The following LUZP2 variants were observed in gnomAD, a reference collection of about 807,000 sequenced individuals.
LUZP2 encodes the protein leucine zipper protein 2.
Under a neutral mutation model 51.6 loss-of-function variants are expected in LUZP2, and 52 were observed. The observed-to-expected ratio is 1.01, with a 90% CI of 0.81 to 1.27. The LOEUF (loss-of-function observed/expected upper bound fraction) is 1.27. Among genes scored for constraint, LUZP2 ranks in the 50% most tolerant of loss-of-function variants. LUZP2 has a pLI of 0.00. For missense variants in LUZP2, 436 were observed against 395.4 expected, an observed-to-expected ratio of 1.10 and a Z score of -0.87; for synonymous variants, 154 against 137.3, an observed-to-expected ratio of 1.12 and a Z score of -0.85.
At position 24,998,411 on chromosome 11, in the gene LUZP2, GCT is replaced by G. The variant is rs1013767729; in HGVS notation, c.765+15123_765+15124del. ...TGAATGGGAGTTCACTCATGATTTG[GCT>G]CTCTGTTTGTCTGTTATTGGTGTAT... On this transcript the variant is annotated intron_variant, in intron 9 of 11. Coordinates refer to ENST00000336930, the MANE Select transcript of LUZP2 (RefSeq NM_001009909.4). 2.0e-5 allele frequency among the ~76,000 whole-genome samples: 3 copies of G among 151,976 alleles called. 1 individual carries two copies. Among genetic ancestry groups the G allele is most frequent in the African/African-American group, 7.2e-5 (3 of 41,380 alleles).
intron 1 of LUZP2, among the ~76,000 whole-genome samples, chr11:24,595,459 G>T (rs1474738375): frequency 6.6e-6 from 1 of 152,080 alleles, no homozygotes; most frequent in Non-Finnish European, 1.5e-5. Context: ...TTCTCTTCGG[G>T]GGCAAAGCGC....
chr11:24,661,002 G>A (rs367876499), intron 1 of LUZP2, among the ~76,000 whole-genome samples: 8 of 152,152 alleles, frequency 5.3e-5, no homozygotes, highest in East Asian at 1.9e-4. Context: ...GAAGAGAGCC[G>A]TACATTGCTC....
chr11:24,921,835 GGAGTAC>G (rs1175497363), intron 7 of LUZP2, among the ~76,000 whole-genome samples: 1 of 152,056 alleles, frequency 6.6e-6, no homozygotes, highest in Non-Finnish European at 1.5e-5. Context: ...TGTAATCAGA[GGAGTAC>G]CGTATATATT....
intron 7 of LUZP2, among the ~76,000 whole-genome samples, chr11:24,933,949 C>T (rs183918142): frequency 8.6e-5 from 13 of 152,040 alleles, no homozygotes; most frequent in Non-Finnish European, 1.9e-4. Flanking sequence ...TACAAAGTAC[C>T]TTCTTAAGGG....
At chr11:24,677,532 G>A (rs1731739893) in intron 1 of LUZP2, among the ~76,000 whole-genome samples, 1 of 152,112 alleles carries the variant, frequency 6.6e-6, no homozygotes. Context: ...TTGCAAATTA[G>A]GCATTTTTAT....
chr11:24,656,634 C>A (rs1289899533), intron 1 of LUZP2, among the ~76,000 whole-genome samples: 1 of 152,128 alleles, frequency 6.6e-6, no homozygotes, highest in Non-Finnish European at 1.5e-5. Flanking sequence ...ATATTTAAGT[C>A]TTATGCTATT....
At chr11:24,869,935 C>G (rs982689785) in intron 5 of LUZP2, among the ~76,000 whole-genome samples, 2 of 152,128 alleles carry the variant, frequency 1.3e-5, no homozygotes, top group Admixed American at 6.6e-5. Flanking sequence ...AGACTTCTTG[C>G]ATTAAATAGG....
chr11:24,574,494 C>G (rs1203399699), intron 1 of LUZP2, among the ~76,000 whole-genome samples: 1 of 151,378 alleles, frequency 6.6e-6, no homozygotes, highest in Non-Finnish European at 1.5e-5. Context: ...CTTTGCTATC[C>G]AGGAAAATCA....
rs367680719 is a variant in LUZP2, at chr11:24,564,628, A to G, written c.62+67323A>G. Among the ~76,000 whole-genome samples the G allele has an allele frequency of 1.4e-4, 22 of 152,276 alleles. No homozygotes were observed. In the South Asian group the frequency reaches 3.9e-3, roughly 27 times the overall value. On this transcript the variant is annotated intron_variant, in intron 1 of 11. Coordinates refer to ENST00000336930, the MANE Select transcript of LUZP2 (RefSeq NM_001009909.4). ...CCAAGTGAAATTGGGACAATTTTCC[A>G]TAGCTGGTCAGTCTCATTTATCTAG...
At chr11:24,913,320 G>T (rs1853695709) in intron 6 of LUZP2, among the ~76,000 whole-genome samples, 1 of 152,060 alleles carries the variant, frequency 6.6e-6, no homozygotes. Flanking sequence ...TTTGAAATTT[G>T]TCCATGTTGT....
chr11:24,718,686 A>G (rs937774807), intron 1 of LUZP2, among the ~76,000 whole-genome samples: 1 of 152,218 alleles, frequency 6.6e-6, no homozygotes, highest in Non-Finnish European at 1.5e-5. Context: ...TTTTGTGGTG[A>G]AACACATACA....
intron 1 of LUZP2, among the ~76,000 whole-genome samples, chr11:24,512,753 G>GTT (rs752175146): frequency 2.3e-4 from 32 of 140,830 alleles, no homozygotes; most frequent in Admixed American, 4.3e-4. Context: ...TTTTTTCTTT[G>GTT]TTTTTTTTTT....
chr11:24,545,438 G>A (rs1275662560), intron 1 of LUZP2, among the ~76,000 whole-genome samples: 2 of 151,552 alleles, frequency 1.3e-5, no homozygotes, highest in African/African-American at 4.8e-5. Flanking sequence ...TCTATCTTGA[G>A]TTGATTCTTG....
intron 9 of LUZP2, among the ~76,000 whole-genome samples, chr11:25,004,122 G>C (rs191943223): frequency 6.6e-6 from 1 of 152,166 alleles, no homozygotes; most frequent in African/African-American, 2.4e-5. Flanking sequence ...ATGAGCTGGC[G>C]CTTGACCTGG....
At chr11:25,017,791 G>A (rs1857200147) in intron 9 of LUZP2, among the ~76,000 whole-genome samples, 1 of 152,002 alleles carries the variant, frequency 6.6e-6, no homozygotes, top group Admixed American at 6.6e-5. Context: ...GTGAATTTTA[G>A]GATTGTTTTT....
Position 24,729,256 on chromosome 11 carries a change from A to C in LUZP2, c.150A>C (p.Arg50Ser). The change falls in exon 2 of 12, where the codon AGA becomes AGC. Residue 50 changes from arginine to serine, a missense_variant. Arg to Ser is a moderately radical substitution (Grantham distance 110). Transcript: ENST00000336930. The part of the protein sequence containing the change: ...TILRQLTKTS[R>S]ELDGIKVNLQ... ...TTCGTCAGCTGACAAAGACATCAAG[A>C]GAACTTGATGGAATTAAAGTCAATC... 1 of 1,560,840 alleles carries C rather than the reference A, an allele frequency of 6.4e-7. No individual in the cohort carries two copies. The highest frequency in any genetic ancestry group is 1.4e-5 in the African/African-American group (1 of 73,296).
chr11:25,046,991 T>C (rs1858333436), intron 9 of LUZP2, among the ~76,000 whole-genome samples: 1 of 152,202 alleles, frequency 6.6e-6, no homozygotes, highest in African/African-American at 2.4e-5. Flanking sequence ...TATTTTTTAA[T>C]TTCCTTTAAT....
chr11:24,975,821 A>G (rs959328613), intron 7 of LUZP2, among the ~76,000 whole-genome samples: 2 of 152,028 alleles, frequency 1.3e-5, no homozygotes, highest in Non-Finnish European at 2.9e-5. Context: ...GTATAGAGGT[A>G]TGGTAGGATA....
chr11:24,838,485 C>A (rs969418327), intron 5 of LUZP2, among the ~76,000 whole-genome samples: 9 of 151,602 alleles, frequency 5.9e-5, no homozygotes, highest in Non-Finnish European at 8.9e-5. Flanking sequence ...GCACTTTTCT[C>A]TCTGCATATA....
Sources: gnomAD v4.1 joint callset for allele counts (sites outside exome capture counted in the v4.1 genomes callset) on GRCh38, gnomAD v4.1.1 for gene constraint, MANE v1.5 for transcripts, NCBI Gene and HGNC (gene_info 2026-07-23, HGNC 2026-07-21) for gene names.